The following SEPTIN9 variants were observed in gnomAD, a reference collection of about 807,000 sequenced individuals.
SEPTIN9 encodes the protein septin 9.
Under a neutral mutation model 56.6 loss-of-function variants are expected in SEPTIN9, and 13 were observed. The observed-to-expected ratio is 0.23, with a 90% CI of 0.15 to 0.37. SEPTIN9 has a LOEUF of 0.37. Among genes scored for constraint, SEPTIN9 ranks in the 10% least tolerant of loss-of-function variants. SEPTIN9 has a pLI of 1.00. For synonymous variants in SEPTIN9, 332 were observed against 334.1 expected, an observed-to-expected ratio of 0.99 and a Z score of 0.07; for missense variants, 650 against 823.1, an observed-to-expected ratio of 0.79 and a Z score of 2.57.
At chr17:77,480,733 C>T (rs1057025990) in intron 3 of SEPTIN9, among the ~76,000 whole-genome samples, 53 of 152,328 alleles carry the variant, frequency 3.5e-4, no homozygotes, top group African/African-American at 1.1e-3. Flanking sequence ...ACTCCCCTCC[C>T]GGAGGACTGG....
chr17:77,373,645 CG>C, intron 2 of SEPTIN9: 3 of 1,494,372 alleles, frequency 2.0e-6, no homozygotes, highest in Non-Finnish European at 2.7e-6. Context: ...TGAGGGGAGA[CG>C]GGAGTGCGCT....
intron 8 of SEPTIN9, among the ~76,000 whole-genome samples, chr17:77,491,697 T>C (rs892995260): frequency 6.6e-6 from 1 of 150,772 alleles, no homozygotes; most frequent in Non-Finnish European, 1.5e-5. Context: ...TCCCAGCTAC[T>C]TGGGAGGCTG....
intron 3 of SEPTIN9, among the ~76,000 whole-genome samples, chr17:77,464,858 G>C (rs1241362106): frequency 6.6e-6 from 1 of 152,060 alleles, no homozygotes; most frequent in African/African-American, 2.4e-5. Context: ...CTCCCAAAGT[G>C]CTGGGATTAC....
At chr17:77,314,855 T>C (rs1429181358) in intron 2 of SEPTIN9, among the ~76,000 whole-genome samples, 2 of 152,208 alleles carry the variant, frequency 1.3e-5, no homozygotes, top group African/African-American at 4.8e-5. Flanking sequence ...GCCTGGTATG[T>C]GTCCCCTCCC....
chr17:77,341,390 A>T (rs1054006285), intron 2 of SEPTIN9, among the ~76,000 whole-genome samples: 1 of 152,236 alleles, frequency 6.6e-6, no homozygotes, highest in African/African-American at 2.4e-5. Context: ...TCAGTGGAGC[A>T]GTCAGAACAT....
intron 6 of SEPTIN9, 45 bp downstream of exon 6, chr17:77,488,366 C>A: frequency 6.5e-7 from 1 of 1,532,400 alleles, no homozygotes; most frequent in Non-Finnish European, 9.0e-7. Context: ...GGCTTCAGGG[C>A]TCCCTGGACC....
intron 2 of SEPTIN9, chr17:77,373,100 CGTCCCCTG>C (rs2034775706): frequency 1.3e-6 from 1 of 763,462 alleles, no homozygotes. Flanking sequence ...CGTCTCTCGC[CGTCCCCTG>C]GGCGCGGGCC....
chr17:77,402,290 C>T lies in SEPTIN9; in HGVS notation c.308C>T (p.Pro103Leu), dbSNP rs757374147. Residue 103 changes from proline (P) to leucine (L), a missense_variant, in exon 3 of 12, where the codon CCG (proline) becomes CTG (leucine). Around this residue, in one of 2 missense-constraint regions of SEPTIN9, gnomAD observed 317 missense variants for 329.1 expected, o/e 0.96. Coordinates refer to ENST00000427177, the MANE Select transcript of SEPTIN9 (RefSeq NM_001113491.2). This position sits in a 1 kb window ranked among gnomAD's most constrained non-coding sequence, Gnocchi z 6.6. ...CTCTCGGGCCCCAAGGCGGCCGAGC[C>T]GGTGTCCCGGCGCACTGAGCTGTCC... ...VELSGPKAAE[P>L]VSRRTELSID... The T allele has an allele frequency of 8.7e-6, 14 of 1,612,468 alleles. No individual in the cohort carries two copies. Among genetic ancestry groups the T allele is most frequent in the Admixed American group, 8.3e-5 (5 of 59,968 alleles).
In SEPTIN9 at chr17:77,498,837, G is replaced by A. The variant is rs2040391145; in HGVS notation, c.*179G>A. 4.7e-6 allele frequency: 3 copies of A among 632,886 alleles called. No individual in the cohort carries two copies. The highest frequency in any genetic ancestry group is 4.2e-5 in the Admixed American group (2 of 47,416). The allele number at this position is 632,886 out of a possible 1,614,324, so 39.2% of individuals were successfully genotyped here. On this transcript the variant is annotated 3_prime_UTR_variant, in exon 12 of 12. Coordinates refer to ENST00000427177, the MANE Select transcript of SEPTIN9 (RefSeq NM_001113491.2). Reference sequence around the variant, plus strand: ...TCCCTCCGAGTGAGTCAGTGATGAGGCCGCGGCCTCCCCGAGGTTGTGGGG... The same window carrying A: ...TCCCTCCGAGTGAGTCAGTGATGAGACCGCGGCCTCCCCGAGGTTGTGGGG...
rs2032760933 is a variant in SEPTIN9, at chr17:77,317,731, A to T, written c.76+10534A>T. Among the ~76,000 whole-genome samples the T allele has an allele frequency of 6.6e-6, 1 of 152,188 alleles. No homozygotes were observed. Among genetic ancestry groups the T allele is most frequent in the Admixed American group, 6.5e-5 (1 of 15,280 alleles). On this transcript the variant is annotated intron_variant, in intron 2 of 11. Transcript: ENST00000427177. This position sits in a 1 kb window ranked among gnomAD's most constrained non-coding sequence, Gnocchi z 4.2. ...CCGGGTGCAGTGGCTCACACCTGTAATCCCAGAGTGAAACTCTGTCTCAAA... is the reference window on the plus strand; with the variant it reads ...CCGGGTGCAGTGGCTCACACCTGTATTCCCAGAGTGAAACTCTGTCTCAAA...
intron 2 of SEPTIN9, among the ~76,000 whole-genome samples, chr17:77,393,515 G>C (rs2035610070): frequency 6.6e-6 from 1 of 152,200 alleles, no homozygotes; most frequent in South Asian, 2.1e-4. Context: ...ACACCCAGGA[G>C]ATGGTAATTA....
At chr17:77,482,033 G>C (rs943232702) in intron 3 of SEPTIN9, 111 bp from the exon 4 acceptor site, 19 of 1,068,992 alleles carry the variant, frequency 1.8e-5, no homozygotes, top group Non-Finnish European at 2.2e-5. Flanking sequence ...TAGCCTTTCT[G>C]AGCCTCAGTG....
chr17:77,490,994 G>A, intron 8 of SEPTIN9, 135 bp downstream of exon 8: 1 of 746,154 alleles, frequency 1.3e-6, no homozygotes, highest in Non-Finnish European at 2.3e-6. Flanking sequence ...CCAGCGGGTG[G>A]CTGGCCTGGT....
chr17:77,439,535 C>T (rs183565894), intron 3 of SEPTIN9, among the ~76,000 whole-genome samples: 47 of 152,336 alleles, frequency 3.1e-4, no homozygotes, highest in African/African-American at 1.1e-3. Context: ...GCCGCAGCTG[C>T]ACCCTGTGGC....
At chr17:77,470,405 C>T (rs1418700590) in intron 3 of SEPTIN9, among the ~76,000 whole-genome samples, 3 of 151,272 alleles carry the variant, frequency 2.0e-5, no homozygotes, top group South Asian at 2.1e-4. Context: ...CACTCATCCA[C>T]GCATCCACTC....
intron 3 of SEPTIN9, among the ~76,000 whole-genome samples, chr17:77,454,753 G>A (rs1329656546): frequency 6.6e-6 from 1 of 152,180 alleles, no homozygotes; most frequent in Non-Finnish European, 1.5e-5. Context: ...CCACCCCACC[G>A]GGCCCCGGAG....
At chr17:77,410,980 G>T (rs1162522599) in intron 3 of SEPTIN9, among the ~76,000 whole-genome samples, 3 of 152,044 alleles carry the variant, frequency 2.0e-5, no homozygotes, top group Non-Finnish European at 4.4e-5. Context: ...AGCTGCTTGG[G>T]AGGCTGAGGC....
At chr17:77,347,759 A>T (rs531416913) in intron 2 of SEPTIN9, among the ~76,000 whole-genome samples, 1 of 152,202 alleles carries the variant, frequency 6.6e-6, no homozygotes, top group Non-Finnish European at 1.5e-5. Flanking sequence ...AGTATGTGTG[A>T]AACCATTGTG....
At chr17:77,489,801 CAG>C (rs1211092263) in intron 7 of SEPTIN9, among the ~76,000 whole-genome samples, 1 of 152,218 alleles carries the variant, frequency 6.6e-6, no homozygotes, top group Non-Finnish European at 1.5e-5. Context: ...CAGCAGGAGT[CAG>C]GGGCAGGGGG....
Sources: allele counts gnomAD v4.1 joint callset (sites outside exome capture counted in the v4.1 genomes callset), GRCh38; gene constraint gnomAD v4.1.1; regional missense constraint gnomAD v4.1.1; non-coding constraint Gnocchi (gnomAD v3.1); transcripts MANE v1.5; gene names NCBI Gene and HGNC (gene_info 2026-07-23, HGNC 2026-07-21).